Variants in MINDY2 observed in about 807,000 individuals in gnomAD.
MINDY2 encodes the protein MINDY lysine 48 deubiquitinase 2, also known as ubiquitin carboxyl-terminal hydrolase MINDY-2.
Under a neutral mutation model 68.2 loss-of-function variants are expected in MINDY2, and 52 were observed. That is an observed-to-expected ratio of 0.76 (90% CI 0.61 to 0.96). MINDY2 has a LOEUF of 0.96. MINDY2 is among the 40% of genes least tolerant of loss of function. The pLI, the probability that MINDY2 is intolerant of heterozygous loss-of-function variation, is 0.00. For synonymous variants in MINDY2, 372 were observed against 303.0 expected (o/e 1.23, Z -2.36); for missense variants, 881 against 773.4 (o/e 1.14, Z -1.65).
Position 58,771,453 on chromosome 15 carries a change from G to C in MINDY2, c.58G>C (p.Ala20Pro). 6.2e-7 allele frequency: 1 copy of C among 1,612,430 alleles called. No individual in the cohort carries two copies. Among genetic ancestry groups the C allele is most frequent in the Non-Finnish European group, 8.5e-7 (1 of 1,179,784 alleles). The change falls in exon 1 of 9, where the codon GCG (alanine) becomes CCG (proline). Residue 20 changes from alanine to proline, a missense_variant. Coordinates refer to ENST00000559228, the MANE Select transcript of MINDY2 (RefSeq NM_001040450.3). The stretch of plus-strand genomic sequence containing the variant: ...AGAACACGGGGTGGCGGCCGGGCCA[G>C]CGTCAGGGACAGGTTCTTCGCAGGA... The part of the protein sequence containing the change: ...PLEHGVAAGP[A>P]SGTGSSQEGL...
intron 1 of MINDY2, among the ~76,000 whole-genome samples, chr15:58,776,382 TGGGGAAGGA>T (rs1363963570): frequency 6.6e-6 from 1 of 151,896 alleles, no homozygotes; most frequent in Non-Finnish European, 1.5e-5. Flanking sequence ...AAGATTACAC[TGGGGAAGGA>T]GGGGAAGAAT....
chr15:58,819,583 A>G (rs185810794), intron 4 of MINDY2, among the ~76,000 whole-genome samples: 26 of 152,282 alleles, frequency 1.7e-4, no homozygotes, highest in African/African-American at 5.8e-4. Context: ...CCCGGCCTCA[A>G]GATACCCTCC....
chr15:58,837,968 C>CAAAAAA (rs34909401), intron 6 of MINDY2, among the ~76,000 whole-genome samples: 55 of 75,122 alleles, frequency 7.3e-4, no homozygotes, highest in African/African-American at 2.3e-3. Context: ...GACCTTCTTT[C>CAAAAAA]AAAAAAAAAA....
intron 1 of MINDY2, among the ~76,000 whole-genome samples, chr15:58,787,194 A>G (rs541486708): frequency 1.7e-5 from 2 of 119,104 alleles, no homozygotes; most frequent in South Asian, 5.1e-4. Context: ...AGGTGTCACC[A>G]TGTTGGCCAG....
At chr15:58,787,293 C>T (rs189160709) in intron 1 of MINDY2, among the ~76,000 whole-genome samples, 1 of 151,896 alleles carries the variant, frequency 6.6e-6, no homozygotes, top group East Asian at 1.9e-4. Flanking sequence ...TGTGCCCAGC[C>T]CATTTCTTTA....
intron 1 of MINDY2, 52 bp from the exon 2 acceptor site, chr15:58,787,854 C>A (rs1901612382): frequency 8.1e-7 from 1 of 1,235,848 alleles, no homozygotes; most frequent in Non-Finnish European, 1.1e-6. Flanking sequence ...GCAAGAAATA[C>A]TTTAGTCACC....
chr15:58,851,353 G>C (rs1419111350), intron 7 of MINDY2, among the ~76,000 whole-genome samples: 4 of 151,774 alleles, frequency 2.6e-5, no homozygotes, highest in African/African-American at 9.7e-5. Context: ...GAAGATAACT[G>C]TCATTTTAAT....
At position 58,830,429 on chromosome 15, in the gene MINDY2, G is replaced by A. The variant is rs114172573; in HGVS notation, c.1226-1345G>A. 9.1e-3 allele frequency among the ~76,000 whole-genome samples: 1,381 copies of A among 152,220 alleles called. 19 individuals carry two copies. The highest frequency in any genetic ancestry group is 0.03 in the African/African-American group (1,230 of 41,538). ...TGCTCCAAAATCTAAACACCAACAT[G>A]ACGCTCACAGGAAATGCTCATTGGA... On this transcript the variant is annotated intron_variant, in intron 5 of 8. Transcript: ENST00000559228.
At chr15:58,811,284 T>A (rs501165) in intron 4 of MINDY2, among the ~76,000 whole-genome samples, 1 of 152,092 alleles carries the variant, frequency 6.6e-6, no homozygotes, top group African/African-American at 2.4e-5. Flanking sequence ...TCCATCACTC[T>A]AACTGTACAT....
intron 2 of MINDY2, among the ~76,000 whole-genome samples, chr15:58,798,746 A>T (rs1408023980): frequency 6.6e-6 from 1 of 152,132 alleles, no homozygotes; most frequent in Non-Finnish European, 1.5e-5. Context: ...GTCAGCCACC[A>T]CGCCCAGCAA....
chr15:58,797,215 A>G lies in MINDY2; in HGVS notation c.899-5098A>G, dbSNP rs540851333. Among the ~76,000 whole-genome samples, 34 of 152,346 alleles carry G rather than the reference A, an allele frequency of 2.2e-4. 1 individual carries two copies. In the South Asian group the frequency reaches 7.0e-3, roughly 32 times the overall value. On this transcript the variant is annotated intron_variant, in intron 2 of 8. Coordinates refer to ENST00000559228, the MANE Select transcript of MINDY2 (RefSeq NM_001040450.3). ...CTAAGTTAAATAAAATATATTATTA[A>G]GATTAATTTTGCCAGGTGTGATGGC... is the stretch of plus-strand genomic sequence containing the variant.
chr15:58,817,935 G>A (rs1379505561), intron 4 of MINDY2, among the ~76,000 whole-genome samples: 1 of 152,072 alleles, frequency 6.6e-6, no homozygotes, highest in Non-Finnish European at 1.5e-5. Context: ...GAGGATAAAC[G>A]TCCTAGAATT....
Position 58,827,820 on chromosome 15 carries a change from C to T in MINDY2, c.1226-3954C>T, listed in dbSNP as rs548156292. On this transcript the variant is annotated intron_variant, in intron 5 of 8. Transcript: ENST00000559228. Reference sequence around the variant, plus strand: ...TTTAATTGTTCTAAATGTGATATGGCCAGTGGGATGCCCTCAAGTTGGGTC... The same window carrying T: ...TTTAATTGTTCTAAATGTGATATGGTCAGTGGGATGCCCTCAAGTTGGGTC... Among the ~76,000 whole-genome samples, 127 of 152,180 alleles carry T rather than the reference C, an allele frequency of 8.3e-4. 1 individual carries two copies. Among genetic ancestry groups the T allele is most frequent in the African/African-American group, 2.9e-3 (120 of 41,532 alleles).
At chr15:58,796,107 T>G (rs1360881655) in intron 2 of MINDY2, 2 of 455,900 alleles carry the variant, frequency 4.4e-6, no homozygotes, top group Admixed American at 4.7e-5. Flanking sequence ...GGCAAGGAAA[T>G]GGAGCCTCAA....
At chr15:58,777,198 G>T (rs1185161334) in intron 1 of MINDY2, among the ~76,000 whole-genome samples, 4 of 152,218 alleles carry the variant, frequency 2.6e-5, no homozygotes, top group Admixed American at 6.5e-5. Flanking sequence ...GGAAATAGGA[G>T]CAGGAAGAAT....
chr15:58,782,323 C>A (rs1315559711), intron 1 of MINDY2, among the ~76,000 whole-genome samples: 1 of 152,074 alleles, frequency 6.6e-6, no homozygotes, highest in Non-Finnish European at 1.5e-5. Context: ...GAAATTTTGA[C>A]TATTATTTAG....
intron 5 of MINDY2, among the ~76,000 whole-genome samples, chr15:58,823,868 C>G (rs2031228895): frequency 1.3e-5 from 2 of 152,088 alleles, no homozygotes; most frequent in Non-Finnish European, 2.9e-5. Context: ...AAAAAAATTC[C>G]ACTCACTAGA....
intron 3 of MINDY2, among the ~76,000 whole-genome samples, chr15:58,807,326 G>C (rs1428083765): frequency 6.7e-6 from 1 of 149,378 alleles, no homozygotes; most frequent in African/African-American, 2.5e-5. Flanking sequence ...ATGTGTTAAC[G>C]TGCTTAGAAA....
rs546121273 is a variant in MINDY2 at position 58,856,333 on chromosome 15, C to G, written c.*1723C>G. 6.6e-6 allele frequency: 1 copy of G among 152,428 alleles called. No individual in the cohort carries two copies. Among genetic ancestry groups the G allele is most frequent in the African/African-American group, 2.4e-5 (1 of 41,378 alleles). The allele number at this position is 152,428 out of a possible 1,614,324, so 9.4% of individuals were successfully genotyped here. A position where few individuals can be genotyped will look rare whatever the true frequency, so the allele number is the denominator to read the frequency against. On this transcript the variant is annotated 3_prime_UTR_variant, in exon 9 of 9. Coordinates refer to ENST00000559228, the MANE Select transcript of MINDY2 (RefSeq NM_001040450.3). ...GTGGTCTGGATTTTTTCAACTATGTCATTAACTTTATGATCCAAGACCAGT... is the reference window on the plus strand; with the variant it reads ...GTGGTCTGGATTTTTTCAACTATGTGATTAACTTTATGATCCAAGACCAGT...
Sources: gnomAD v4.1 joint callset for allele counts (sites outside exome capture counted in the v4.1 genomes callset) on GRCh38, gnomAD v4.1.1 for gene constraint, MANE v1.5 for transcripts, NCBI Gene and HGNC (gene_info 2026-07-23, HGNC 2026-07-21) for gene names.